Variants in CAPN9 observed in about 807,000 individuals in gnomAD.
CAPN9 encodes the protein calpain 9, also known as calpain-9.
A neutral mutation model predicts 92.8 loss-of-function variants in CAPN9; 81 were observed. The observed-to-expected ratio is 0.87, with a 90% CI of 0.73 to 1.05. The LOEUF is 1.05. CAPN9 is among the 50% of genes least tolerant of loss of function. The pLI is 0.00. For synonymous variants in CAPN9, 304 were observed against 328.0 expected (o/e 0.93, Z 0.79); for missense variants, 848 against 866.2 (o/e 0.98, Z 0.26).
intron 7 of CAPN9, among the ~76,000 whole-genome samples, chr1:230,772,944 G>T (rs554362529): frequency 6.6e-6 from 1 of 152,130 alleles, no homozygotes; most frequent in Admixed American, 6.5e-5. Context: ...GTTTGTGTGG[G>T]TGCGTGGCAG....
intron 19 of CAPN9, among the ~76,000 whole-genome samples, chr1:230,801,346 A>T (rs1668715551): frequency 6.6e-6 from 1 of 152,196 alleles, no homozygotes; most frequent in African/African-American, 2.4e-5. Flanking sequence ...GCTTGATATG[A>T]GCTCACTTGG....
chr1:230,773,747 A>G (rs114343399), intron 7 of CAPN9, among the ~76,000 whole-genome samples: 1 of 152,236 alleles, frequency 6.6e-6, no homozygotes, highest in African/African-American at 2.4e-5. Flanking sequence ...GCACCTGGAG[A>G]CAGGTCCCGG....
chr1:230,791,129 G>C (rs1047328177), intron 14 of CAPN9, among the ~76,000 whole-genome samples: 7 of 151,952 alleles, frequency 4.6e-5, no homozygotes, highest in African/African-American at 1.7e-4. Flanking sequence ...TTCATCTATT[G>C]GTGGCCACGT....
chr1:230,795,481 A>G (rs1011142879), intron 18 of CAPN9: 1 of 516,458 alleles, frequency 1.9e-6, no homozygotes, highest in Non-Finnish European at 3.5e-6. Context: ...GTTTCTTAGC[A>G]TCGCCTTTCT....
rs74597589 is a variant in CAPN9, at chr1:230,755,876, C to T, written c.283+470C>T. ...GTAGACAGGCAATCAGGATTTGAACCCAGACACTCCAGCAGCAGAGCCCTT... is the reference window on the plus strand; with the variant it reads ...GTAGACAGGCAATCAGGATTTGAACTCAGACACTCCAGCAGCAGAGCCCTT... On this transcript the variant is annotated intron_variant, in intron 2 of 19. Transcript: ENST00000271971. Among the ~76,000 whole-genome samples the T allele has an allele frequency of 8.3e-3, 1,264 of 152,258 alleles. 6 individuals are homozygous for T. Among genetic ancestry groups the T allele is most frequent in the Non-Finnish European group, 0.012 (837 of 68,016 alleles).
intron 1 of CAPN9, chr1:230,752,748 C>G: frequency 1.0e-6 from 1 of 970,800 alleles, no homozygotes; most frequent in Non-Finnish European, 1.2e-6. Context: ...GGGGGCATTG[C>G]TTGCCAGGGC....
rs28359640 is a variant in CAPN9, at chr1:230,764,068, C to CAA, written c.536+1290_536+1291dup. Among the ~76,000 whole-genome samples the CAA allele has an allele frequency of 1.4e-4, 21 of 150,884 alleles. No individual in the cohort carries two copies. In the East Asian group the frequency reaches 1.6e-3, roughly 11 times the overall value. ...AAAAATGGTTGGCAGAACAGCTCAC[C>CAA]AAAAAAAAACTGTATAGATGGTGTT... On this transcript the variant is annotated intron_variant, in intron 4 of 19. Transcript: ENST00000271971.
At chr1:230,797,730 C>T (rs1668443438) in intron 18 of CAPN9, among the ~76,000 whole-genome samples, 1 of 152,216 alleles carries the variant, frequency 6.6e-6, no homozygotes. Context: ...GGCACGCTCT[C>T]CTGTGCCACT....
At chr1:230,779,495 C>T (rs1454194175) in intron 9 of CAPN9, among the ~76,000 whole-genome samples, 2 of 152,074 alleles carry the variant, frequency 1.3e-5, no homozygotes, top group African/African-American at 4.8e-5. Context: ...CTGTTCTGCC[C>T]TCTTTTATGT....
intron 7 of CAPN9, among the ~76,000 whole-genome samples, chr1:230,772,390 T>C (rs1448689240): frequency 6.6e-6 from 1 of 152,196 alleles, no homozygotes; most frequent in Non-Finnish European, 1.5e-5. Context: ...TATAACCCAG[T>C]GATATGGTGA....
At chr1:230,771,952 A>T in intron 6 of CAPN9, 62 bp from the exon 7 acceptor site, 2 of 1,363,202 alleles carry the variant, frequency 1.5e-6, no homozygotes, top group East Asian at 4.6e-5. Context: ...CTCATAGATG[A>T]ATGTGGCCAA....
At chr1:230,768,010 TAATAAATA>T (rs71563451) in intron 5 of CAPN9, among the ~76,000 whole-genome samples, 13,452 of 139,514 alleles carry the variant, frequency 0.096, 765 homozygotes, top group African/African-American at 0.15. Context: ...ACTTAAAGTA[TAATAAATA>T]AATAAATAAA....
At chr1:230,795,069 C>A in intron 17 of CAPN9, 94 bp from the exon 18 acceptor site, 1 of 771,558 alleles carries the variant, frequency 1.3e-6, no homozygotes, top group South Asian at 1.5e-5. Context: ...CTTCTGAGCC[C>A]TCTCCTCAGC....
At chr1:230,800,301 AGAAAGG>A (rs1668642451) in intron 19 of CAPN9, among the ~76,000 whole-genome samples, 2 of 72,932 alleles carry the variant, frequency 2.7e-5, no homozygotes, top group Non-Finnish European at 3.1e-5. Context: ...AAAGAAAGAA[AGAAAGG>A]AAAAACAAGA....
chr1:230,750,077 TC>T (rs1474102076), intron 1 of CAPN9, among the ~76,000 whole-genome samples: 1 of 152,052 alleles, frequency 6.6e-6, no homozygotes, highest in Non-Finnish European at 1.5e-5. Context: ...GACTCTAGAG[TC>T]CCAGATCTCT....
chr1:230,798,048 C>T (rs920774442), intron 18 of CAPN9, 114 bp from the exon 19 acceptor site: 11 of 743,692 alleles, frequency 1.5e-5, no homozygotes, highest in African/African-American at 1.2e-4. Context: ...TGTTTACCAC[C>T]AGATGGAGCA....
chr1:230,754,638 A>G (rs9969999), intron 1 of CAPN9, among the ~76,000 whole-genome samples: 1 of 62,372 alleles, frequency 1.6e-5, no homozygotes, highest in Admixed American at 1.5e-4. Context: ...CCCCATCTCC[A>G]CAAAAAAAAA....
chr1:230,774,603 C>T lies in CAPN9; in HGVS notation c.925C>T (p.His309Tyr), dbSNP rs751376490. Residue 309 changes from histidine (H) to tyrosine (Y), a missense_variant, in exon 8 of 20, where the codon CAC becomes TAC. Coordinates refer to ENST00000271971, the MANE Select transcript of CAPN9 (RefSeq NM_006615.3). ...TCCAGCTGAGCAGAAGCGTCTGTGT[C>T]ACACTGCTCTGGATGATGGGGAATT... ...VGPAEQKRLC[H>Y]TALDDGEFWM... 1.3e-4 allele frequency: 205 copies of T among 1,613,826 alleles called. 3 individuals are homozygous for T. In the Admixed American group the frequency reaches 3.4e-3, roughly 27 times the overall value.
At chr1:230,766,029 A>G (rs1471027133) in intron 4 of CAPN9, among the ~76,000 whole-genome samples, 4 of 152,126 alleles carry the variant, frequency 2.6e-5, no homozygotes, top group Non-Finnish European at 5.9e-5. Context: ...ATATCATGAG[A>G]TGAGAGGGGA....
Sources: gnomAD v4.1 joint callset for allele counts (sites outside exome capture counted in the v4.1 genomes callset) on GRCh38, gnomAD v4.1.1 for gene constraint, MANE v1.5 for transcripts, NCBI Gene and HGNC (gene_info 2026-07-23, HGNC 2026-07-21) for gene names.